The following USO1 variants were observed in gnomAD, a reference collection of about 807,000 sequenced individuals.
The protein encoded by USO1 is USO1 vesicle transport factor.
In USO1, 57 loss-of-function variants were observed where a neutral mutation model predicts 124.5. That is an observed-to-expected ratio of 0.46 (90% CI 0.37 to 0.57). USO1 has a LOEUF of 0.57. Ranked by LOEUF, USO1 falls within the 20% of genes least tolerant of loss-of-function variation. USO1 has a pLI of 0.00. For synonymous variants in USO1, 369 were observed against 362.8 expected, an observed-to-expected ratio of 1.02 and a Z score of -0.19; for missense variants, 900 against 1,040.6, an observed-to-expected ratio of 0.86 and a Z score of 1.86.
At chr4:75,807,308 T>G (rs1195656726) in intron 20 of USO1, among the ~76,000 whole-genome samples, 1 of 152,010 alleles carries the variant, frequency 6.6e-6, no homozygotes, top group Non-Finnish European at 1.5e-5. Flanking sequence ...TTTCCTCCTC[T>G]CTTTTCTTCT....
At chr4:75,788,027 C>G (rs1722411564) in intron 10 of USO1, among the ~76,000 whole-genome samples, 1 of 152,046 alleles carries the variant, frequency 6.6e-6, no homozygotes, top group Non-Finnish European at 1.5e-5. Context: ...CTCCATTCTC[C>G]TACTCCAATC....
chr4:75,761,600 T>C (rs1211932992), intron 4 of USO1, among the ~76,000 whole-genome samples: 1 of 152,236 alleles, frequency 6.6e-6, no homozygotes, highest in African/African-American at 2.4e-5. Context: ...ATTTCTTACC[T>C]TAACTCGTAG....
chr4:75,765,376 G>A (rs1045185212), intron 4 of USO1, among the ~76,000 whole-genome samples: 1 of 152,076 alleles, frequency 6.6e-6, no homozygotes, highest in Non-Finnish European at 1.5e-5. Context: ...GGGTTCTGGG[G>A]TGGCTTAAAA....
intron 15 of USO1, 48 bp downstream of exon 15, chr4:75,800,517 GC>G (rs1320544664): frequency 6.3e-6 from 6 of 950,218 alleles, no homozygotes; most frequent in Admixed American, 4.0e-5. Flanking sequence ...AGATAATGAT[GC>G]TTTTTTTTTT....
At chr4:75,806,897 T>G (rs1392546074) in intron 20 of USO1, among the ~76,000 whole-genome samples, 1 of 152,142 alleles carries the variant, frequency 6.6e-6, no homozygotes, top group Non-Finnish European at 1.5e-5. Context: ...TGCCTAATTT[T>G]AATATACTAT....
intron 3 of USO1, among the ~76,000 whole-genome samples, chr4:75,755,047 A>G (rs958012031): frequency 6.6e-6 from 1 of 152,176 alleles, no homozygotes; most frequent in Non-Finnish European, 1.5e-5. Flanking sequence ...TGCTATTGGC[A>G]AGAGGCCTCA....
intron 9 of USO1, among the ~76,000 whole-genome samples, chr4:75,786,522 T>TA (rs1369907629): frequency 7.2e-5 from 11 of 152,328 alleles, no homozygotes; most frequent in African/African-American, 2.6e-4. Flanking sequence ...ACAGTCCAAG[T>TA]AATCATAGAA....
Position 75,791,385 on chromosome 4 carries a change from G to A in USO1, c.1240+588G>A, listed in dbSNP as rs1381143200. On this transcript the variant is annotated intron_variant, in intron 12 of 23. Coordinates refer to ENST00000514213, the MANE Select transcript of USO1 (RefSeq NM_003715.4). ...CTAAAAATACAAAAATTAGCTGGGCGTGGTGGCAGGTGCCTTTAATCCCAG... is the reference window on the plus strand; with the variant it reads ...CTAAAAATACAAAAATTAGCTGGGCATGGTGGCAGGTGCCTTTAATCCCAG... Among the ~76,000 whole-genome samples the A allele has an allele frequency of 3.9e-5, 6 of 152,122 alleles. No homozygotes were observed. The East Asian group carries it at 7.7e-4, about 20-fold the overall frequency.
rs1342182506 is a variant in USO1 at position 75,787,837 on chromosome 4, T to C, written c.996+635T>C. Among the ~76,000 whole-genome samples, 4 of 152,306 alleles carry C rather than the reference T, an allele frequency of 2.6e-5. No individual in the cohort carries two copies. In the East Asian group the frequency reaches 7.7e-4, roughly 29 times the overall value. ...TGGGGTTTATATTTTTACAGCTGTATTGATACCATTCCTGCTAAGCCAAAT... is the reference window on the plus strand; with the variant it reads ...TGGGGTTTATATTTTTACAGCTGTACTGATACCATTCCTGCTAAGCCAAAT... On this transcript the variant is annotated intron_variant, in intron 10 of 23. Coordinates refer to ENST00000514213, the MANE Select transcript of USO1 (RefSeq NM_003715.4).
chr4:75,784,420 C>T (rs1366421205), intron 9 of USO1, among the ~76,000 whole-genome samples: 1 of 152,132 alleles, frequency 6.6e-6, no homozygotes, highest in Non-Finnish European at 1.5e-5. Context: ...GCATGTATTT[C>T]GTATCAAACA....
chr4:75,785,880 A>C (rs1377170112), intron 9 of USO1, among the ~76,000 whole-genome samples: 1 of 152,158 alleles, frequency 6.6e-6, no homozygotes, highest in Non-Finnish European at 1.5e-5. Flanking sequence ...TAAGGATAGG[A>C]GGGAAATAAA....
intron 1 of USO1, among the ~76,000 whole-genome samples, chr4:75,725,751 C>T (rs1216623522): frequency 6.6e-6 from 1 of 151,840 alleles, no homozygotes; most frequent in Non-Finnish European, 1.5e-5. Context: ...TTGAAATAAA[C>T]TTTTTATTTG....
At chr4:75,748,211 CTTTT>C (rs71208096) in intron 1 of USO1, among the ~76,000 whole-genome samples, 1 of 124,128 alleles carries the variant, frequency 8.1e-6, no homozygotes, top group Non-Finnish European at 1.6e-5. Context: ...GCTGGTATTT[CTTTT>C]TTTTTTTTTT....
intron 3 of USO1, among the ~76,000 whole-genome samples, chr4:75,756,122 A>G (rs1225144257): frequency 1.3e-5 from 2 of 149,818 alleles, no homozygotes; most frequent in Non-Finnish European, 3.0e-5. Context: ...GTGAGTCAAG[A>G]TCGCGCCACT....
chr4:75,738,406 G>A (rs1322066802), intron 1 of USO1, among the ~76,000 whole-genome samples: 7 of 151,922 alleles, frequency 4.6e-5, no homozygotes, highest in East Asian at 2.0e-4. Context: ...GCAGTGAGCC[G>A]AGATCACTCC....
chr4:75,748,960 A>G (rs973633677), intron 1 of USO1, among the ~76,000 whole-genome samples: 1 of 151,778 alleles, frequency 6.6e-6, no homozygotes, highest in African/African-American at 2.4e-5. Context: ...AAATATATAT[A>G]TACATATATG....
chr4:75,757,625 T>C (rs1188226422), intron 4 of USO1, 52 bp downstream of exon 4: 5 of 1,330,116 alleles, frequency 3.8e-6, no homozygotes, highest in Admixed American at 3.8e-5. Context: ...ACCAACTGGG[T>C]TGTGCTAATT....
At chr4:75,800,275 A>C in intron 14 of USO1, 76 bp from the exon 15 acceptor site, 7 of 1,476,070 alleles carry the variant, frequency 4.7e-6, no homozygotes, top group Non-Finnish European at 6.4e-6. Context: ...TATGTGAAGT[A>C]TTAATGTATG....
At chr4:75,738,005 T>C (rs982329497) in intron 1 of USO1, among the ~76,000 whole-genome samples, 8 of 151,692 alleles carry the variant, frequency 5.3e-5, no homozygotes, top group African/African-American at 1.9e-4. Context: ...TTTTTCACTT[T>C]TGTATTTTTA....
Sources: allele counts gnomAD v4.1 joint callset (sites outside exome capture counted in the v4.1 genomes callset), GRCh38; gene constraint gnomAD v4.1.1; transcripts MANE v1.5; gene names NCBI Gene and HGNC (gene_info 2026-07-23, HGNC 2026-07-21).